Variants in SCN11A observed in about 807,000 individuals in gnomAD.
The protein encoded by SCN11A is sodium channel protein type 11 subunit alpha.
In SCN11A, 122 loss-of-function variants were observed where a neutral mutation model predicts 162.2. That is an observed-to-expected ratio of 0.75 (90% confidence interval 0.65 to 0.87). The LOEUF (loss-of-function observed/expected upper bound fraction) is 0.87. Ranked by LOEUF, SCN11A falls within the 40% of genes least tolerant of loss-of-function variation. The probability of loss-of-function intolerance (pLI) is 0.00; values close to 1 mark genes in which losing one functional copy is unlikely to be tolerated. For missense variants in SCN11A, 2,015 were observed against 2,181.6 expected, an observed-to-expected ratio of 0.92 and a Z score of 1.52; for synonymous variants, 758 against 751.5, an observed-to-expected ratio of 1.01 and a Z score of -0.14.
At chr3:38,914,939 CT>C (rs926680139) in intron 11 of SCN11A, among the ~76,000 whole-genome samples, 7 of 151,960 alleles carry the variant, frequency 4.6e-5, no homozygotes, top group Non-Finnish European at 7.4e-5. Context: ...CTAAAGTTTT[CT>C]TTTTTTGTGC....
At position 38,929,131 on chromosome 3, in the gene SCN11A, G is replaced by GCGCGCACACACA. The variant is rs774058202; in HGVS notation, c.489-2201_489-2200insTGTGTGTGCGCG. ...ACACTGTCAAAAATACTGGGTCTGT[G>GCGCGCACACACA]CACGCACACACACACACACACACAC... On this transcript the variant is annotated intron_variant, in intron 7 of 29. Transcript: ENST00000302328. Among the ~76,000 whole-genome samples the GCGCGCACACACA allele has an allele frequency of 1.5e-3, 54 of 37,064 alleles. 1 individual carries two copies. The highest frequency in any genetic ancestry group is 3.8e-3 in the African/African-American group (54 of 14,178). The allele number at this position is 37,064 out of a possible 152,430, so 24.3% of individuals were successfully genotyped here.
At chr3:39,042,826 G>T (rs1415246924) in intron 1 of SCN11A, among the ~76,000 whole-genome samples, 2 of 151,404 alleles carry the variant, frequency 1.3e-5, no homozygotes, top group Non-Finnish European at 2.9e-5. Flanking sequence ...GCTTGGTGGC[G>T]CATACCTGTA....
intron 7 of SCN11A, among the ~76,000 whole-genome samples, chr3:38,933,567 C>T (rs1010298554): frequency 2.4e-4 from 37 of 152,076 alleles, no homozygotes; most frequent in African/African-American, 3.1e-4. Flanking sequence ...TCGAGAACTA[C>T]GTGAAGAATT....
chr3:38,877,982 A>G (rs2065247320), intron 23 of SCN11A, among the ~76,000 whole-genome samples: 2 of 151,634 alleles, frequency 1.3e-5, no homozygotes, highest in Admixed American at 1.3e-4. Flanking sequence ...AAGAGGACAC[A>G]AAGTTGTAAG....
intron 12 of SCN11A, 69 bp downstream of exon 12, chr3:38,909,997 A>C: frequency 7.0e-7 from 1 of 1,427,858 alleles, no homozygotes; most frequent in African/African-American, 1.5e-5. Flanking sequence ...TAAATAGGTA[A>C]GTGATAGAGG....
chr3:39,007,876 A>G (rs2031020224), intron 2 of SCN11A, among the ~76,000 whole-genome samples: 1 of 152,224 alleles, frequency 6.6e-6, no homozygotes, highest in African/African-American at 2.4e-5. Context: ...GTTGGAGAGA[A>G]GTGTGGATGG....
In SCN11A at chr3:38,847,091, G is replaced by A. The variant is rs1227551167; in HGVS notation, c.4979C>T (p.Ala1660Val). Residue 1660 changes from alanine to valine, a missense_variant, in exon 30 of 30, where the codon GCA (alanine) becomes GTA (valine). Physicochemically the swap from Ala to Val is moderately conservative, Grantham distance 64. Transcript: ENST00000302328. ...TAGAAATTGATATTTATTTGGCTTT[G>A]CGACACGCAAAGGCTCAGGCAAGGC... is the stretch of plus-strand genomic sequence containing the variant. ...ADALPEPLRV[A>V]KPNKYQFLVM... 1 of 1,614,148 alleles carries A rather than the reference G, an allele frequency of 6.2e-7. No individual in the cohort carries two copies. The highest frequency in any genetic ancestry group is 1.7e-5 in the Admixed American group (1 of 60,026).
chr3:38,924,034 T>C (rs1180812681), intron 9 of SCN11A, among the ~76,000 whole-genome samples: 1 of 152,064 alleles, frequency 6.6e-6, no homozygotes, highest in African/African-American at 2.4e-5. Flanking sequence ...GCAGGCATGA[T>C]CTTGGCATGT....
Position 38,909,076 on chromosome 3 carries a change from T to C in SCN11A, c.1220A>G (p.Asn407Ser), listed in dbSNP as rs375513048. ...CTCTATCTCTGCAGCTACATTCTTGTTCTGCTCCTCATATGCCATGGTAAC... is the reference window on the plus strand; with the variant it reads ...CTCTATCTCTGCAGCTACATTCTTGCTCTGCTCCTCATATGCCATGGTAAC... ...AVVTMAYEEQ[N>S]KNVAAEIEAK... Residue 407 changes from asparagine to serine, a missense_variant, in exon 13 of 30, where the codon AAC becomes AGC. Physicochemically the swap from Asn to Ser is conservative, Grantham distance 46 (BLOSUM62 1). Coordinates refer to ENST00000302328, the MANE Select transcript of SCN11A (RefSeq NM_001349253.2). 7.1e-5 allele frequency: 115 copies of C among 1,614,052 alleles called. No homozygotes were observed. Among genetic ancestry groups the C allele is most frequent in the Non-Finnish European group, 9.5e-5 (112 of 1,180,002 alleles).
intron 1 of SCN11A, among the ~76,000 whole-genome samples, chr3:39,035,732 C>T (rs897417721): frequency 4.6e-5 from 7 of 152,000 alleles, no homozygotes; most frequent in African/African-American, 1.5e-4. Flanking sequence ...CTCCGCCTCC[C>T]GGGTTCATGC....
chr3:38,996,709 C>T (rs1052577409), intron 2 of SCN11A, among the ~76,000 whole-genome samples: 2 of 152,152 alleles, frequency 1.3e-5, no homozygotes, highest in East Asian at 1.9e-4. Flanking sequence ...TTCCCTCCTG[C>T]GGTATATTGC....
chr3:38,960,240 T>C (rs2066728290), intron 3 of SCN11A, among the ~76,000 whole-genome samples, 43 bp downstream of exon 3: 1 of 152,142 alleles, frequency 6.6e-6, no homozygotes, highest in Non-Finnish European at 1.5e-5. Context: ...GGTCCCAGAC[T>C]TGAAAGAACA....
intron 19 of SCN11A, among the ~76,000 whole-genome samples, chr3:38,888,007 A>G (rs1272998820): frequency 6.6e-6 from 1 of 152,238 alleles, no homozygotes; most frequent in East Asian, 1.9e-4. Flanking sequence ...AAGAAATATA[A>G]AGTAGTAAGA....
rs776133651 is a variant in SCN11A, at chr3:38,903,976, C to T, written c.1731G>A (p.Pro577=). The change falls in exon 16 of 30, where the codon CCG becomes CCA. Residue 577 remains proline (P), a synonymous_variant. Coordinates refer to ENST00000302328, the MANE Select transcript of SCN11A (RefSeq NM_001349253.2). ...AGATGGTGATGGCCAGCTCAGTAAA[C>T]GGGTCAGTCATCACAGTTCTCAGGA... ...KKVLRTVMTD[P]FTELAITICI... The T allele has an allele frequency of 4.3e-5, 69 of 1,613,862 alleles. No individual in the cohort carries two copies. The highest frequency in any genetic ancestry group is 1.6e-4 in the Middle Eastern group (1 of 6,084).
chr3:38,950,226 TCTC>T lies in SCN11A; in HGVS notation c.134_136del (p.Gly45del), dbSNP rs768121531. On this transcript the variant is annotated inframe_deletion, in exon 5 of 30. Transcript: ENST00000302328. ...AAGCTGAGGCCGAGGCTGGGGTACT[TCTC>T]CTGTCTGGTCTTTAGACTTCTTTTT... is the stretch of plus-strand genomic sequence containing the variant. The T allele has an allele frequency of 1.1e-5, 18 of 1,613,916 alleles. No homozygotes were observed. In the South Asian group the frequency reaches 1.8e-4, roughly 16 times the overall value.
At chr3:39,023,799 C>T (rs1180497044) in intron 2 of SCN11A, among the ~76,000 whole-genome samples, 3 of 152,040 alleles carry the variant, frequency 2.0e-5, no homozygotes, top group Admixed American at 6.6e-5. Flanking sequence ...CCTGCCACCA[C>T]GCCTGGCTAA....
At chr3:38,895,307 G>A (rs1222731797) in intron 18 of SCN11A, among the ~76,000 whole-genome samples, 2 of 152,174 alleles carry the variant, frequency 1.3e-5, no homozygotes, top group East Asian at 3.9e-4. Context: ...GCTGGATAGT[G>A]AGCTTTGATT....
In SCN11A at chr3:38,907,355, TATACACACAC is replaced by T. The variant is rs377500548; in HGVS notation, c.1473+584_1473+593del. On this transcript the variant is annotated intron_variant, in intron 14 of 29. Transcript: ENST00000302328. ...GTGTGTGTGTGTGTATATATCTATATATACACACACACACACACACACACACACACACACT... is the reference window on the plus strand; with the variant it reads ...GTGTGTGTGTGTGTATATATCTATATACACACACACACACACACACACACT... 0.021 allele frequency among the ~76,000 whole-genome samples: 522 copies of T among 24,822 alleles called. 19 individuals are homozygous for T. The East Asian group carries it at 0.41, about 19-fold the overall frequency. The allele number at this position is 24,822 out of a possible 152,430, so 16.3% of individuals were successfully genotyped here.
rs777393030 is a variant in SCN11A, at chr3:38,950,111, G to A, written c.252C>T (p.Phe84=). 1.3e-5 allele frequency: 20 copies of A among 1,540,426 alleles called. No homozygotes were observed. The East Asian group carries it at 4.4e-4, about 34-fold the overall frequency. The part of the protein sequence containing the change: ...IGKPLEDLDP[F]YRNHKTFMVL... ...AATGAAGTACCTTATGATTTCGGTA[G>A]AATGGGTCCAAGTCTTCCAGAGGCT... Residue 84 remains phenylalanine (F), a synonymous_variant, in exon 5 of 30, where the codon TTC becomes TTT. Transcript: ENST00000302328.
Sources: gnomAD v4.1 joint callset for allele counts (sites outside exome capture counted in the v4.1 genomes callset) on GRCh38, gnomAD v4.1.1 for gene constraint, MANE v1.5 for transcripts, NCBI Gene and HGNC (gene_info 2026-07-23, HGNC 2026-07-21) for gene names.